Variants in REXO4 observed in about 807,000 individuals in gnomAD.
The protein encoded by REXO4 is RNA exonuclease 4, also known as REX4 homolog, 3'-5' exonuclease.
In REXO4, 29 loss-of-function variants were observed where a neutral mutation model predicts 39.9. That is an observed-to-expected ratio of 0.73 (90% CI 0.54 to 0.99). The LOEUF (loss-of-function observed/expected upper bound fraction) is 0.99, where lower values mean the gene tolerates loss of function less well. Among genes scored for constraint, REXO4 ranks in the 50% least tolerant of loss-of-function variants. The pLI, the probability that REXO4 is intolerant of heterozygous loss-of-function variation, is 0.00. For synonymous variants in REXO4, 184 were observed against 206.2 expected (o/e 0.89, Z 0.92); for missense variants, 524 against 546.5 (o/e 0.96, Z 0.41).
At chr9:133,418,013 C>T (rs1038173252), upstream of REXO4, 10 of 630,712 alleles carry the variant, frequency 1.6e-5, no homozygotes, top group Non-Finnish European at 2.7e-5. Flanking sequence ...TTGCGCATAC[C>T]TCAGCACGCA....
At chr9:133,412,245 A>G in intron 4 of REXO4, 54 bp downstream of exon 4, 1 of 1,569,128 alleles carries the variant, frequency 6.4e-7, no homozygotes, top group African/African-American at 1.3e-5. Flanking sequence ...AAAGGGAGAA[A>G]ACGAATCCAG....
In REXO4 at chr9:133,411,060, T is replaced by C; in HGVS notation, c.924A>G (p.Glu308=). The change falls in exon 5 of 8, where the codon GAA becomes GAG. Residue 308 remains glutamate, a synonymous_variant. Transcript: ENST00000371942. The stretch of plus-strand genomic sequence containing the variant: ...TCTCTGCCACTTCCTTCTGAACAAC[T>C]TCAAGCTCTTCTCCTGGAAAATCAA... ...PENLKQGEEL[E]VVQKEVAEML... is the part of the protein sequence containing the mutation. 6.2e-7 allele frequency: 1 copy of C among 1,614,126 alleles called. No individual in the cohort carries two copies. The highest frequency in any genetic ancestry group is 1.1e-5 in the South Asian group (1 of 91,080).
intron 7 of REXO4, 31 bp from the exon 8 acceptor site, chr9:133,407,103 C>T (rs587595285): frequency 2.3e-5 from 37 of 1,610,182 alleles, no homozygotes; most frequent in East Asian, 1.3e-4. Context: ...CAGCAGGTGA[C>T]GAGGCATAGC....
Position 133,417,723 on chromosome 9 carries a change from T to C in REXO4, c.122A>G (p.Lys41Arg). Reference sequence around the variant, plus strand: ...TGGCTTCTTGCTTACTTCCCGCGCCTTGCTTTTCCAAAACCTTTTTTTCTT... The same window carrying C: ...TGGCTTCTTGCTTACTTCCCGCGCCCTGCTTTTCCAAAACCTTTTTTTCTT... ...NKKKKRFWKS[K>R]AREVSKKPAS... The change falls in exon 1 of 8, where the codon AAG (lysine) becomes AGG (arginine). Residue 41 changes from lysine (K) to arginine (R), a missense_variant. Transcript: ENST00000371942. 1 of 1,614,146 alleles carries C rather than the reference T, an allele frequency of 6.2e-7. No homozygotes were observed. The highest frequency in any genetic ancestry group is 8.5e-7 in the Non-Finnish European group (1 of 1,179,998).
At chr9:133,411,423 AT>A (rs1331532847) in intron 4 of REXO4, among the ~76,000 whole-genome samples, 19 of 152,140 alleles carry the variant, frequency 1.2e-4, no homozygotes, top group African/African-American at 4.6e-4. Flanking sequence ...CAACCTCATG[AT>A]TTACTTGACA....
chr9:133,416,628 T>A (rs1254307520), intron 1 of REXO4, among the ~76,000 whole-genome samples: 1 of 151,762 alleles, frequency 6.6e-6, no homozygotes, highest in Admixed American at 6.6e-5. Flanking sequence ...CGTGGAAGAG[T>A]GTCTAGGAGA....
chr9:133,408,762 A>G lies in REXO4; in HGVS notation c.1074+6T>C. The G allele has an allele frequency of 6.3e-7, 1 of 1,577,394 alleles. No individual in the cohort carries two copies. The highest frequency in any genetic ancestry group is 8.7e-7 in the Non-Finnish European group (1 of 1,149,454). On this transcript the variant is annotated splice_donor_region_variant and intron_variant, in intron 6 of 7. Coordinates refer to ENST00000371942, the MANE Select transcript of REXO4 (RefSeq NM_020385.4). ...CAGTATCTTGAGTCACACTCATTCT[A>G]AGTACCTTTACTTGACTCTTGAAAG...
intron 2 of REXO4, chr9:133,414,216 A>C (rs1588137757): frequency 2.8e-6 from 1 of 355,572 alleles, no homozygotes; most frequent in Non-Finnish European, 5.5e-6. Context: ...ATCACAGGCA[A>C]CAGCCACCAC....
rs1342123031 is a variant in REXO4 at position 133,407,820 on chromosome 9, G to C, written c.1136C>G (p.Ala379Gly). Residue 379 changes from alanine to glycine, a missense_variant, in exon 7 of 8, where the codon GCG (alanine) becomes GGG (glycine). Coordinates refer to ENST00000371942, the MANE Select transcript of REXO4 (RefSeq NM_020385.4). ...GGACACACTTACTGAACAGTGCTCC[G>C]CCTGCTGGACCTGGAGCCCAAGGAT... ...EKILGLQVQQ[A>G]EHCSIQDAQA... is the part of the protein sequence containing the mutation. 1.2e-6 allele frequency: 2 copies of C among 1,613,716 alleles called. No individual in the cohort carries two copies. Among genetic ancestry groups the C allele is most frequent in the African/African-American group, 1.3e-5 (1 of 74,986 alleles).
At chr9:133,408,662 A>G (rs1554779455) in intron 6 of REXO4, 106 bp downstream of exon 6, 1 of 764,446 alleles carries the variant, frequency 1.3e-6, no homozygotes, top group African/African-American at 1.8e-5. Flanking sequence ...GTTAAAAGAA[A>G]AAACAAAAAC....
chr9:133,412,699 A>G, intron 3 of REXO4, 79 bp downstream of exon 3: 1 of 1,558,862 alleles, frequency 6.4e-7, no homozygotes, highest in Non-Finnish European at 8.7e-7. Flanking sequence ...GGGAGAGGAA[A>G]GCATCCTCTT....
intron 4 of REXO4, among the ~76,000 whole-genome samples, chr9:133,411,600 C>T (rs1186338390): frequency 1.3e-5 from 2 of 152,134 alleles, no homozygotes; most frequent in African/African-American, 2.4e-5. Context: ...AAGGGTGGCC[C>T]GAGCCAAGTG....
chr9:133,415,028 A>C lies in REXO4; in HGVS notation c.226-17T>G, dbSNP rs781813654. 6.4e-7 allele frequency: 1 copy of C among 1,565,522 alleles called. No homozygotes were observed. Among genetic ancestry groups the C allele is most frequent in the South Asian group, 1.2e-5 (1 of 82,830 alleles). The stretch of plus-strand genomic sequence containing the variant: ...CAGCAGCCACTGGGACCCAAAATAA[A>C]ATACATGCTGCATTTGAATTTGGAA... On this transcript the variant is annotated splice_polypyrimidine_tract_variant and intron_variant, in intron 1 of 7. Transcript: ENST00000371942.
intron 2 of REXO4, 86 bp downstream of exon 2, chr9:133,414,579 G>A (rs782695264): frequency 8.7e-6 from 10 of 1,150,910 alleles, no homozygotes; most frequent in South Asian, 1.2e-5. Context: ...GAGAGACTGC[G>A]GTGAGGCCAC....
At chr9:133,414,542 A>G (rs781972140) in intron 2 of REXO4, 123 bp downstream of exon 2, 1 of 881,268 alleles carries the variant, frequency 1.1e-6, no homozygotes, top group Non-Finnish European at 1.9e-6. Context: ...TAAACAAAGG[A>G]ACAGACGACA....
chr9:133,412,223 GAAAAGGGAAC>G, intron 4 of REXO4, 66 bp downstream of exon 4: 1 of 1,472,886 alleles, frequency 6.8e-7, no homozygotes, highest in East Asian at 2.3e-5. Context: ...GTCTCAGACA[GAAAAGGGAAC>G]AAAAGGGAGA....
At chr9:133,412,548 G>A in intron 3 of REXO4, 56 bp from the exon 4 acceptor site, 2 of 1,575,612 alleles carry the variant, frequency 1.3e-6, no homozygotes, top group Non-Finnish European at 1.7e-6. Context: ...CAGGGCTCCA[G>A]GTCAGAGCCC....
chr9:133,411,695 G>A (rs1839218442), intron 4 of REXO4, among the ~76,000 whole-genome samples: 1 of 152,120 alleles, frequency 6.6e-6, no homozygotes, highest in Non-Finnish European at 1.5e-5. Context: ...GGGAGGCGGA[G>A]GCAGGCGGAT....
chr9:133,413,553 T>C (rs75769874), intron 2 of REXO4, among the ~76,000 whole-genome samples: 6 of 152,334 alleles, frequency 3.9e-5, no homozygotes, highest in Admixed American at 6.5e-5. Flanking sequence ...ACGTTCATTA[T>C]TGAACACTTA....
Sources: allele counts gnomAD v4.1 joint callset (sites outside exome capture counted in the v4.1 genomes callset), GRCh38; gene constraint gnomAD v4.1.1; transcripts MANE v1.5; gene names NCBI Gene and HGNC (gene_info 2026-07-23, HGNC 2026-07-21).